The following CFAP54 variants were observed in gnomAD, a reference collection of about 807,000 sequenced individuals.
The protein encoded by CFAP54 is cilia and flagella associated protein 54.
Under a neutral mutation model 370.4 loss-of-function variants are expected in CFAP54, and 290 were observed. The ratio of observed to expected loss-of-function variants is 0.78; its 90% CI spans 0.71 to 0.86. The LOEUF (loss-of-function observed/expected upper bound fraction) is 0.86. Among genes scored for constraint, CFAP54 ranks in the 40% least tolerant of loss-of-function variants. The pLI is 0.00. For missense variants in CFAP54, 3,399 were observed against 3,528.7 expected, an observed-to-expected ratio of 0.96 and a Z score of 0.93; for synonymous variants, 1,206 against 1,236.5, an observed-to-expected ratio of 0.98 and a Z score of 0.52.
chr12:96,748,140 T>C lies in CFAP54; in HGVS notation c.7684+3994T>C, dbSNP rs532939310. 1.4e-4 allele frequency among the ~76,000 whole-genome samples: 22 copies of C among 152,274 alleles called. 1 individual carries two copies. Among genetic ancestry groups the C allele is most frequent in the African/African-American group, 5.1e-4 (21 of 41,560 alleles). On this transcript the variant is annotated intron_variant, in intron 55 of 67. Transcript: ENST00000524981. Reference sequence around the variant, plus strand: ...ATGGGACTTTAGATGAATTTATGTTTCCCTCATAGGCCATCCCCAATTAGA... The same window carrying C: ...ATGGGACTTTAGATGAATTTATGTTCCCCTCATAGGCCATCCCCAATTAGA...
chr12:96,771,423 C>A (rs148552554), intron 60 of CFAP54, among the ~76,000 whole-genome samples: 1 of 152,242 alleles, frequency 6.6e-6, no homozygotes, highest in South Asian at 2.1e-4. Context: ...GAGGCCAAGG[C>A]GGGCGGTTCA....
chr12:96,562,132 C>T (rs1267256815), intron 17 of CFAP54, among the ~76,000 whole-genome samples: 1 of 152,014 alleles, frequency 6.6e-6, no homozygotes, highest in Non-Finnish European at 1.5e-5. Flanking sequence ...AAGGTTTCTC[C>T]TCACCTTCTC....
chr12:96,759,714 C>A (rs949975530), intron 58 of CFAP54, among the ~76,000 whole-genome samples: 46 of 152,154 alleles, frequency 3.0e-4, no homozygotes, highest in African/African-American at 9.7e-4. Context: ...TGAATCCTAG[C>A]TTCACAACTT....
chr12:96,699,682 T>G (rs1555297322), intron 45 of CFAP54, among the ~76,000 whole-genome samples: 1 of 152,116 alleles, frequency 6.6e-6, no homozygotes, highest in Non-Finnish European at 1.5e-5. Flanking sequence ...ATCATAAAAA[T>G]ATTAATGTGT....
At chr12:96,649,111 A>G (rs1956830742) in intron 34 of CFAP54, among the ~76,000 whole-genome samples, 1 of 152,178 alleles carries the variant, frequency 6.6e-6, no homozygotes, top group Non-Finnish European at 1.5e-5. Context: ...TTTATTGCCA[A>G]CCAGAGTTCT....
At position 96,641,429 on chromosome 12, in the gene CFAP54, G is replaced by C. The variant is rs929843273; in HGVS notation, c.4317-2749G>C. Among the ~76,000 whole-genome samples the C allele has an allele frequency of 4.0e-5, 6 of 151,578 alleles. No individual in the cohort carries two copies. The South Asian group carries it at 6.3e-4, about 16-fold the overall frequency. On this transcript the variant is annotated intron_variant, in intron 32 of 67. Coordinates refer to ENST00000524981, the MANE Select transcript of CFAP54 (RefSeq NM_001306084.2). ...CGATCATTAAAAAGTCAGGAAACAA[G>C]AGGTGCTGGAGAGGATGTGGAGAAA...
At chr12:96,517,096 GA>G (rs917464233) in intron 5 of CFAP54, among the ~76,000 whole-genome samples, 26 of 150,914 alleles carry the variant, frequency 1.7e-4, no homozygotes, top group African/African-American at 6.3e-4. Flanking sequence ...TTAAGGGTAA[GA>G]AAAAAATGCT....
intron 17 of CFAP54, among the ~76,000 whole-genome samples, chr12:96,557,677 A>T (rs1955767988): frequency 6.6e-6 from 1 of 152,118 alleles, no homozygotes; most frequent in Non-Finnish European, 1.5e-5. Flanking sequence ...AAAAGACTAC[A>T]TTCAGTGTGA....
chr12:96,740,164 A>G (rs775494745), intron 51 of CFAP54, 103 bp downstream of exon 51: 138 of 667,016 alleles, frequency 2.1e-4, no homozygotes, highest in Non-Finnish European at 3.2e-4. Context: ...GGAGTAAAGT[A>G]GAAAAAACAT....
intron 16 of CFAP54, 33 bp downstream of exon 16, chr12:96,554,343 G>A (rs1001923908): frequency 2.0e-6 from 3 of 1,471,030 alleles, no homozygotes; most frequent in Non-Finnish European, 9.0e-7. Flanking sequence ...TTAGATTGAA[G>A]TTTTACTTAA....
intron 64 of CFAP54, among the ~76,000 whole-genome samples, chr12:96,814,137 C>G (rs752160497): frequency 2.7e-4 from 41 of 152,136 alleles, no homozygotes; most frequent in Non-Finnish European, 4.3e-4. Flanking sequence ...ATCTGAAACC[C>G]AAATGTCAAA....
chr12:96,692,259 T>A lies in CFAP54; in HGVS notation c.6264+949T>A, dbSNP rs1182757663. ...ACTTGGTGAGATATTGTTTATTTTT[T>A]AAAAATAACAAAATGGTGCCCCTCT... On this transcript the variant is annotated intron_variant, in intron 44 of 67. Transcript: ENST00000524981. Among the ~76,000 whole-genome samples the A allele has an allele frequency of 5.3e-5, 8 of 152,190 alleles. No homozygotes were observed. The South Asian group carries it at 8.3e-4, about 16-fold the overall frequency.
At chr12:96,503,460 T>TCTCG (rs144742268) in intron 2 of CFAP54, among the ~76,000 whole-genome samples, 1,558 of 136,746 alleles carry the variant, frequency 0.011, 17 homozygotes, top group Middle Eastern at 0.029. Flanking sequence ...TTTGTTTCTC[T>TCTCG]CTCGCTCGCT....
At chr12:96,580,711 G>T in intron 21 of CFAP54, 22 bp downstream of exon 21, 3 of 1,385,608 alleles carry the variant, frequency 2.2e-6, no homozygotes, top group Non-Finnish European at 2.9e-6. Flanking sequence ...TAAACATCAG[G>T]AAATCTTACT....
chr12:96,760,468 C>T (rs1958322467), intron 58 of CFAP54, among the ~76,000 whole-genome samples: 2 of 152,176 alleles, frequency 1.3e-5, no homozygotes, highest in Non-Finnish European at 2.9e-5. Context: ...CATGAAACCA[C>T]CAAACTGTTT....
intron 38 of CFAP54, among the ~76,000 whole-genome samples, chr12:96,660,522 A>G (rs1018942215): frequency 6.6e-6 from 1 of 152,120 alleles, no homozygotes; most frequent in Non-Finnish European, 1.5e-5. Flanking sequence ...AACTGCCTAT[A>G]TCAGCCAAAG....
chr12:96,641,262 G>C (rs1325513263), intron 32 of CFAP54, among the ~76,000 whole-genome samples: 5 of 152,130 alleles, frequency 3.3e-5, no homozygotes, highest in Admixed American at 2.6e-4. Context: ...CAACAAGTGG[G>C]CAAAGGATAT....
intron 58 of CFAP54, among the ~76,000 whole-genome samples, chr12:96,763,373 A>G (rs1281979895): frequency 1.2e-4 from 19 of 152,316 alleles, no homozygotes; most frequent in Non-Finnish European, 1.5e-5. Flanking sequence ...AGCAGGAAAT[A>G]TGATAGCAAA....
intron 32 of CFAP54, among the ~76,000 whole-genome samples, chr12:96,637,911 A>G (rs1956678306): frequency 6.6e-6 from 1 of 152,166 alleles, no homozygotes; most frequent in Non-Finnish European, 1.5e-5. Context: ...ATAATTGCCT[A>G]CAGTATTTAT....
Sources: gnomAD v4.1 joint callset for allele counts (sites outside exome capture counted in the v4.1 genomes callset) on GRCh38, gnomAD v4.1.1 for gene constraint, MANE v1.5 for transcripts, NCBI Gene and HGNC (gene_info 2026-07-23, HGNC 2026-07-21) for gene names.